PRORP: variants seen among roughly 807,000 people sequenced by gnomAD.
The protein encoded by PRORP is mitochondrial ribonuclease P catalytic subunit.
PRORP carries 51 observed loss-of-function variants against 59.4 expected under a neutral mutation model. The ratio of observed to expected loss-of-function variants is 0.86; its 90% confidence interval spans 0.69 to 1.08. The LOEUF (loss-of-function observed/expected upper bound fraction) is 1.08. Ranked by LOEUF, PRORP falls within the 50% of genes least tolerant of loss-of-function variation. The pLI is 0.00. For missense variants in PRORP, 646 were observed against 690.3 expected, an observed-to-expected ratio of 0.94 and a Z score of 0.72; for synonymous variants, 231 against 245.6, an observed-to-expected ratio of 0.94 and a Z score of 0.55.
intron 5 of PRORP, among the ~76,000 whole-genome samples, chr14:35,196,568 G>A (rs952255458): frequency 2.0e-5 from 3 of 151,738 alleles, no homozygotes; most frequent in South Asian, 2.1e-4. Context: ...AGGAGTTACT[G>A]CTGGGTAGTC....
At chr14:35,127,330 C>CA in intron 3 of PRORP, 149 bp from the exon 4 acceptor site, 1 of 561,484 alleles carries the variant, frequency 1.8e-6, no homozygotes, top group South Asian at 4.2e-5. Context: ...ATCAGGTTTA[C>CA]AAAAAATTAG....
At chr14:35,148,416 G>C (rs1474081921) in intron 4 of PRORP, among the ~76,000 whole-genome samples, 1 of 152,180 alleles carries the variant, frequency 6.6e-6, no homozygotes, top group Admixed American at 6.5e-5. Context: ...ATTTTGAAGA[G>C]TCTTTTTTTT....
intron 5 of PRORP, among the ~76,000 whole-genome samples, chr14:35,184,118 A>G (rs1472316471): frequency 6.6e-6 from 1 of 152,006 alleles, no homozygotes; most frequent in Non-Finnish European, 1.5e-5. Context: ...CTTTTACATT[A>G]ATGGTTGATT....
rs1393516682 is a variant in PRORP, at chr14:35,239,989, C to T, written c.1276-26738C>T. Among the ~76,000 whole-genome samples the T allele has an allele frequency of 2.6e-5, 4 of 151,300 alleles. No individual in the cohort carries two copies. In the East Asian group the frequency reaches 7.9e-4, roughly 30 times the overall value. On this transcript the variant is annotated intron_variant, in intron 5 of 7. Coordinates refer to ENST00000534898, the MANE Select transcript of PRORP (RefSeq NM_014672.4). The stretch of plus-strand genomic sequence containing the variant: ...ACTCAGGAGGCTGAGACAGGAAAAT[C>T]GCTTGAACCTGGAAGGCGGAGGTTG...
At chr14:35,157,039 T>C (rs2047933204) in intron 4 of PRORP, among the ~76,000 whole-genome samples, 1 of 150,024 alleles carries the variant, frequency 6.7e-6, no homozygotes, top group Non-Finnish European at 1.5e-5. Context: ...CACTGCAAGC[T>C]CCGTCTCCTG....
intron 2 of PRORP, 182 bp downstream of exon 2, chr14:35,124,413 A>G (rs889169147): frequency 2.6e-6 from 1 of 379,308 alleles, no homozygotes; most frequent in Non-Finnish European, 4.7e-6. Context: ...AACCACAGGC[A>G]TGTGCCACCA....
chr14:35,245,433 A>G (rs1566523321), intron 5 of PRORP, among the ~76,000 whole-genome samples: 1 of 152,134 alleles, frequency 6.6e-6, no homozygotes, highest in Non-Finnish European at 1.5e-5. Context: ...GCTTGAGTCC[A>G]GGAGTTCAAG....
chr14:35,142,670 G>A (rs1252447436), intron 4 of PRORP, among the ~76,000 whole-genome samples: 2 of 144,062 alleles, frequency 1.4e-5, no homozygotes, highest in African/African-American at 2.5e-5. Context: ...GGCAAAACCC[G>A]TTCTCTAATA....
At chr14:35,201,692 G>A (rs915679655) in intron 5 of PRORP, among the ~76,000 whole-genome samples, 4 of 151,794 alleles carry the variant, frequency 2.6e-5, no homozygotes, top group Non-Finnish European at 4.4e-5. Flanking sequence ...ACCCAGGCTG[G>A]AGTGCAGTGG....
At chr14:35,225,923 TAAG>T (rs2049922761) in intron 5 of PRORP, among the ~76,000 whole-genome samples, 3 of 152,110 alleles carry the variant, frequency 2.0e-5, no homozygotes, top group Admixed American at 1.3e-4. Context: ...GAAAAGAGCT[TAAG>T]AAGCATAGCT....
chr14:35,209,435 T>C (rs536270496), intron 5 of PRORP, among the ~76,000 whole-genome samples: 1 of 152,350 alleles, frequency 6.6e-6, no homozygotes, highest in East Asian at 1.9e-4. Context: ...GTAGTGATGT[T>C]CATCACAGCA....
chr14:35,154,165 C>T (rs2047853364), intron 4 of PRORP, among the ~76,000 whole-genome samples: 1 of 152,088 alleles, frequency 6.6e-6, no homozygotes. Context: ...GTCAGCTTTT[C>T]CTAGTGGGAA....
At chr14:35,209,028 C>T (rs996123296) in intron 5 of PRORP, among the ~76,000 whole-genome samples, 2 of 151,740 alleles carry the variant, frequency 1.3e-5, no homozygotes, top group Non-Finnish European at 2.9e-5. Flanking sequence ...GAGACTTTGT[C>T]TCAAAAAATA....
chr14:35,243,764 G>A (rs2050418690), intron 5 of PRORP, among the ~76,000 whole-genome samples: 1 of 152,116 alleles, frequency 6.6e-6, no homozygotes, highest in Admixed American at 6.5e-5. Context: ...TAAGTAAAAG[G>A]GAAGTAGGAG....
In PRORP at chr14:35,268,720, C is replaced by G. The variant is rs1009253096; in HGVS notation, c.1425-1681C>G. On this transcript the variant is annotated intron_variant, in intron 6 of 7. Transcript: ENST00000534898. ...AAGCGATTCTCCTGCCTCAGCCTCCCAAGTAGTTGGGATTACAGGCACCCG... is the reference window on the plus strand; with the variant it reads ...AAGCGATTCTCCTGCCTCAGCCTCCGAAGTAGTTGGGATTACAGGCACCCG... 2.6e-5 allele frequency among the ~76,000 whole-genome samples: 4 copies of G among 152,120 alleles called. 1 individual carries two copies. The highest frequency in any genetic ancestry group is 9.7e-5 in the African/African-American group (4 of 41,432).
rs190477646 is a variant in PRORP, at chr14:35,272,571, A to G, written c.1621-864A>G. Among the ~76,000 whole-genome samples, 20 of 152,360 alleles carry G rather than the reference A, an allele frequency of 1.3e-4. 1 individual carries two copies. The highest frequency in any genetic ancestry group is 1.2e-3 in the Admixed American group (19 of 15,294). On this transcript the variant is annotated intron_variant, in intron 7 of 7. Transcript: ENST00000534898. Reference sequence around the variant, plus strand: ...TAATTCTTAAGTATAATAAAGGTATAAAGGTATTGATCTTACATTTATAAA... The same window carrying G: ...TAATTCTTAAGTATAATAAAGGTATGAAGGTATTGATCTTACATTTATAAA...
intron 5 of PRORP, among the ~76,000 whole-genome samples, chr14:35,194,039 A>G (rs908872564): frequency 9.9e-5 from 15 of 152,018 alleles, no homozygotes; most frequent in African/African-American, 3.6e-4. Context: ...TAGAGTTTTT[A>G]TGCATGGATT....
chr14:35,134,367 C>G (rs561407772), intron 4 of PRORP, among the ~76,000 whole-genome samples: 1 of 152,252 alleles, frequency 6.6e-6, no homozygotes, highest in Admixed American at 6.5e-5. Flanking sequence ...TGGGACTCAC[C>G]CTTAGTGCTC....
chr14:35,212,027 C>A lies in PRORP; in HGVS notation c.1275+31250C>A, dbSNP rs145470274. On this transcript the variant is annotated intron_variant, in intron 5 of 7. Transcript: ENST00000534898. Reference sequence around the variant, plus strand: ...GTTATCATTTCAACAACGTTCACAGCATCTTCTTCAGGAGTACATTTTGAT... The same window carrying A: ...GTTATCATTTCAACAACGTTCACAGAATCTTCTTCAGGAGTACATTTTGAT... Among the ~76,000 whole-genome samples the A allele has an allele frequency of 3.0e-3, 452 of 152,312 alleles. 1 individual carries two copies. Among genetic ancestry groups the A allele is most frequent in the Non-Finnish European group, 5.0e-3 (337 of 68,032 alleles).
Sources: allele counts gnomAD v4.1 joint callset (sites outside exome capture counted in the v4.1 genomes callset), GRCh38; gene constraint gnomAD v4.1.1; transcripts MANE v1.5; gene names NCBI Gene and HGNC (gene_info 2026-07-23, HGNC 2026-07-21).